The following EPHX1 variants were observed in gnomAD, a reference collection of about 807,000 sequenced individuals.
EPHX1 encodes the protein epoxide hydrolase 1, also known as epoxide hydratase.
A neutral mutation model predicts 43.2 loss-of-function variants in EPHX1; 40 were observed. The observed-to-expected ratio is 0.93, with a 90% CI of 0.72 to 1.21. EPHX1 has a LOEUF of 1.21. EPHX1 is among the 50% of genes most tolerant of loss of function. The probability of loss-of-function intolerance (pLI) is 0.00; values close to 1 mark genes in which losing one functional copy is unlikely to be tolerated. For missense variants in EPHX1, 550 were observed against 570.4 expected, an observed-to-expected ratio of 0.96 and a Z score of 0.36; for synonymous variants, 221 against 226.7, an observed-to-expected ratio of 0.98 and a Z score of 0.22.
In EPHX1 at chr1:225,823,746, G is replaced by A. The variant is rs45604637; in HGVS notation, c.-5-4979G>A. On this transcript the variant is annotated intron_variant, in intron 1 of 8. Transcript: ENST00000272167. The stretch of plus-strand genomic sequence containing the variant: ...CCCAGCCCACCCCAGGTCCTCTGCC[G>A]CCTTGGGTTCCTGCGTGAGCAGTCC... Among the ~76,000 whole-genome samples the A allele has an allele frequency of 8.8e-3, 1,270 of 144,916 alleles. 15 individuals are homozygous for A. The highest frequency in any genetic ancestry group is 0.027 in the African/African-American group (1,084 of 40,384).
Position 225,845,138 on chromosome 1 carries a change from A to G in EPHX1, c.1167-8A>G. On this transcript the variant is annotated splice_polypyrimidine_tract_variant and splice_region_variant and intron_variant, in intron 8 of 8. Coordinates refer to ENST00000272167, the MANE Select transcript of EPHX1 (RefSeq NM_001136018.4). ...GCCTCACCCCTCCGTCGGCTCTTTC[A>G]CTTCCAGGATGAAGGTCTATGTGCC... is the stretch of plus-strand genomic sequence containing the variant. 6.2e-7 allele frequency: 1 copy of G among 1,613,398 alleles called. No individual in the cohort carries two copies. Among genetic ancestry groups the G allele is most frequent in the Non-Finnish European group, 8.5e-7 (1 of 1,179,832 alleles).
intron 1 of EPHX1, among the ~76,000 whole-genome samples, chr1:225,828,237 G>T (rs1012580567): frequency 2.6e-5 from 4 of 151,888 alleles, no homozygotes; most frequent in Non-Finnish European, 4.4e-5. Flanking sequence ...CCAGCTACTC[G>T]GGAGGCTGAG....
intron 1 of EPHX1, among the ~76,000 whole-genome samples, chr1:225,826,479 A>G (rs1667248199): frequency 2.1e-5 from 3 of 142,268 alleles, no homozygotes; most frequent in Admixed American, 7.1e-5. Context: ...AGGGAAAGCA[A>G]TGGCCTGGCT....
chr1:225,818,067 G>A (rs1174419510), intron 1 of EPHX1, among the ~76,000 whole-genome samples: 1 of 152,118 alleles, frequency 6.6e-6, no homozygotes, highest in Non-Finnish European at 1.5e-5. Context: ...CTTCTTTGGG[G>A]TCAGGGGGCG....
At chr1:225,813,413 A>G (rs984068853) in intron 1 of EPHX1, among the ~76,000 whole-genome samples, 2 of 152,070 alleles carry the variant, frequency 1.3e-5, no homozygotes, top group African/African-American at 4.8e-5. Context: ...GGGAGAAGGC[A>G]CCCCAGCAGT....
At chr1:225,840,943 T>A (rs1037230919) in intron 6 of EPHX1, 2 of 151,040 alleles carry the variant, frequency 1.3e-5, no homozygotes, top group Non-Finnish European at 3.0e-5. Context: ...AAATACATGT[T>A]GTCAAAAAGC....
In EPHX1 at chr1:225,829,688, G is replaced by A. The variant is rs112057346; in HGVS notation, c.183+776G>A. Among the ~76,000 whole-genome samples the A allele has an allele frequency of 1.6e-4, 24 of 152,316 alleles. 1 individual carries two copies. The highest frequency in any genetic ancestry group is 5.8e-4 in the African/African-American group (24 of 41,564). ...CACCTACTGTGTGCAGGCCCAGTGA[G>A]TGCTTGGGAGAAGAGACAGCCCCTT... On this transcript the variant is annotated intron_variant, in intron 2 of 8. Coordinates refer to ENST00000272167, the MANE Select transcript of EPHX1 (RefSeq NM_001136018.4).
chr1:225,830,443 C>T (rs1667515877), intron 2 of EPHX1, among the ~76,000 whole-genome samples: 1 of 152,128 alleles, frequency 6.6e-6, no homozygotes, highest in African/African-American at 2.4e-5. Context: ...GCCAATGAGA[C>T]TTGCACCCTC....
chr1:225,834,862 C>T lies in EPHX1; in HGVS notation c.364+2903C>T, dbSNP rs181894149. 4.6e-5 allele frequency among the ~76,000 whole-genome samples: 7 copies of T among 152,276 alleles called. No homozygotes were observed. The East Asian group carries it at 9.7e-4, about 21-fold the overall frequency. ...GTCCATCCAGCAGAAACTAACAGGG[C>T]GCCTGCTGTACCCAGGCATTCTGCT... On this transcript the variant is annotated intron_variant, in intron 3 of 8. Coordinates refer to ENST00000272167, the MANE Select transcript of EPHX1 (RefSeq NM_001136018.4).
chr1:225,844,775 G>A (rs747498271), intron 8 of EPHX1, 152 bp downstream of exon 8: 155 of 1,314,112 alleles, frequency 1.2e-4, no homozygotes, highest in Non-Finnish European at 1.3e-4. Context: ...ACTAAAGGTC[G>A]AGGTGTTTGG....
chr1:225,831,939 A>C lies in EPHX1; in HGVS notation c.344A>C (p.His115Pro). ...GTGGAGATTCTCAACAGATACCCTC[A>C]CTTCAAGACTAAGATTGAAGGTATG... Reference protein sequence around the residue: ...KQVEILNRYPHFKTKIEGLDI... With the variant: ...KQVEILNRYPPFKTKIEGLDI... The change falls in exon 3 of 9, where the codon CAC (histidine) becomes CCC (proline). Residue 115 changes from histidine (H) to proline (P), a missense_variant. His to Pro is a moderately conservative substitution (Grantham distance 77). Transcript: ENST00000272167. 6.2e-7 allele frequency: 1 copy of C among 1,614,144 alleles called. No individual in the cohort carries two copies. The highest frequency in any genetic ancestry group is 8.5e-7 in the Non-Finnish European group (1 of 1,180,038).
intron 1 of EPHX1, among the ~76,000 whole-genome samples, chr1:225,820,295 G>A (rs1666926378): frequency 6.6e-6 from 1 of 152,040 alleles, no homozygotes; most frequent in African/African-American, 2.4e-5. Context: ...CACCATGTTG[G>A]CCAGGCTGGT....
intron 3 of EPHX1, 53 bp downstream of exon 3, chr1:225,832,012 T>C: frequency 6.4e-7 from 1 of 1,570,152 alleles, no homozygotes; most frequent in South Asian, 1.1e-5. Context: ...AGAACAGCCT[T>C]CTTCCACAAT....
chr1:225,839,177 T>TGTGACTCC (rs757732285), intron 4 of EPHX1, 40 bp from the exon 5 acceptor site: 3 of 1,613,586 alleles, frequency 1.9e-6, no homozygotes, highest in African/African-American at 2.7e-5. Context: ...GCAATCTGCC[T>TGTGACTCC]GTGACTCCGT....
intron 3 of EPHX1, among the ~76,000 whole-genome samples, chr1:225,836,430 CA>C (rs371921544): frequency 2.7e-5 from 4 of 150,590 alleles, no homozygotes; most frequent in East Asian, 1.9e-4. Flanking sequence ...CCCTTCTCTA[CA>C]AAAAAAAATA....
At chr1:225,812,601 G>T (rs12096942) in intron 1 of EPHX1, among the ~76,000 whole-genome samples, 7,927 of 152,272 alleles carry the variant, frequency 0.052, 726 homozygotes, top group African/African-American at 0.18. Context: ...TGATACCCAG[G>T]CTTGGTGATT....
Position 225,828,849 on chromosome 1 carries a change from C to T in EPHX1, c.120C>T (p.Ser40=), listed in dbSNP as rs764019335. The change falls in exon 2 of 9, where the codon TCC becomes TCT. Residue 40 remains serine, a synonymous_variant. Coordinates refer to ENST00000272167, the MANE Select transcript of EPHX1 (RefSeq NM_001136018.4). ...GGTGGTGGGGGCCAGGCACGAGGTC[C>T]GCAGCCAGGGAGGACGACAGCATCC... is the stretch of plus-strand genomic sequence containing the variant. ...EDGWWGPGTR[S]AAREDDSIRP... is the part of the protein sequence containing the mutation. 17 of 1,610,658 alleles carry T rather than the reference C, an allele frequency of 1.1e-5. No homozygotes were observed. The highest frequency in any genetic ancestry group is 6.7e-5 in the Admixed American group (4 of 59,686).
chr1:225,816,742 A>G (rs1321906922), intron 1 of EPHX1, among the ~76,000 whole-genome samples: 1 of 152,182 alleles, frequency 6.6e-6, no homozygotes. Flanking sequence ...AAGTGGAGTC[A>G]CTGACCTGAG....
rs1191126183 is a variant in EPHX1 at position 225,842,759 on chromosome 1, A to G, written c.1040+285A>G. Among the ~76,000 whole-genome samples the G allele has an allele frequency of 3.9e-5, 6 of 152,352 alleles. No homozygotes were observed. In the South Asian group the frequency reaches 1.2e-3, roughly 32 times the overall value. ...CCCCTCTGGGGATTAGGGAGCCCAC[A>G]GGGCAGCAGGCACCACATTATTGTC... is the stretch of plus-strand genomic sequence containing the variant. On this transcript the variant is annotated intron_variant, in intron 7 of 8. Coordinates refer to ENST00000272167, the MANE Select transcript of EPHX1 (RefSeq NM_001136018.4).
Sources: gnomAD v4.1 joint callset for allele counts (sites outside exome capture counted in the v4.1 genomes callset) on GRCh38, gnomAD v4.1.1 for gene constraint, MANE v1.5 for transcripts, NCBI Gene and HGNC (gene_info 2026-07-23, HGNC 2026-07-21) for gene names.